Variants in MAGI1 observed in about 807,000 individuals in gnomAD.
The protein encoded by MAGI1 is membrane associated guanylate kinase, WW and PDZ domain containing 1, also known as membrane-associated guanylate kinase, WW and PDZ domain-containing protein 1.
Under a neutral mutation model 139.9 loss-of-function variants are expected in MAGI1, and 58 were observed. That is an observed-to-expected ratio of 0.41 (90% CI 0.34 to 0.52). MAGI1 has a LOEUF of 0.52. MAGI1 is among the 20% of genes least tolerant of loss of function. The pLI is 0.12. For synonymous variants in MAGI1, 812 were observed against 737.9 expected (o/e 1.10, Z -1.63); for missense variants, 1,874 against 1,901.6 (o/e 0.99, Z 0.27).
chr3:65,582,051 G>A (rs1373501280), intron 2 of MAGI1, among the ~76,000 whole-genome samples: 2 of 152,156 alleles, frequency 1.3e-5, no homozygotes, highest in African/African-American at 2.4e-5. Context: ...CTGTTATTTT[G>A]TTAAATAAAT....
intron 18 of MAGI1, among the ~76,000 whole-genome samples, chr3:65,368,809 A>G (rs1941693578): frequency 6.6e-6 from 1 of 152,226 alleles, no homozygotes; most frequent in Admixed American, 6.5e-5. Context: ...AATACTTTGA[A>G]TCAGAGTGAT....
chr3:65,720,722 T>C (rs1020030469), intron 1 of MAGI1, among the ~76,000 whole-genome samples: 3 of 152,076 alleles, frequency 2.0e-5, no homozygotes, highest in African/African-American at 4.8e-5. Context: ...GAGCCTGATA[T>C]GCTCTTATTC....
chr3:65,430,829 G>A lies in MAGI1; in HGVS notation c.1416C>T (p.His472=). ...CACGACTGCTTTTCCGCAGCTTTGT[G>A]TGAATGAACTTGCCTTTCAACTCAG... ...NPSELKGKFI[H]TKLRKSSRGF... is the part of the protein sequence containing the mutation. The change falls in exon 11 of 23, where the codon CAC becomes CAT. Residue 472 remains histidine, a synonymous_variant. Coordinates refer to ENST00000402939, the MANE Select transcript of MAGI1 (RefSeq NM_001033057.2). 2 of 1,613,582 alleles carry A rather than the reference G, an allele frequency of 1.2e-6. No individual in the cohort carries two copies. The highest frequency in any genetic ancestry group is 8.5e-7 in the Non-Finnish European group (1 of 1,179,750).
Position 65,858,781 on chromosome 3 carries a change from T to C in MAGI1, c.313+179215A>G, listed in dbSNP as rs556359215. Among the ~76,000 whole-genome samples the C allele has an allele frequency of 2.0e-5, 3 of 152,342 alleles. No individual in the cohort carries two copies. The South Asian group carries it at 6.2e-4, about 32-fold the overall frequency. On this transcript the variant is annotated intron_variant, in intron 1 of 22. Transcript: ENST00000402939. ...ACCACAGTGCAATTTTCAAGAAACA[T>C]TTTATGCAAATATATCTGCTCCAAC... is the stretch of plus-strand genomic sequence containing the variant.
chr3:66,034,295 A>C (rs1004216143), intron 1 of MAGI1, among the ~76,000 whole-genome samples: 1 of 152,162 alleles, frequency 6.6e-6, no homozygotes, highest in Non-Finnish European at 1.5e-5. Flanking sequence ...CTACTGTCCC[A>C]GGAATTGGGA....
intron 22 of MAGI1, 129 bp from the exon 23 acceptor site, chr3:65,357,261 A>G: frequency 1.1e-6 from 1 of 917,596 alleles, no homozygotes; most frequent in Admixed American, 2.9e-5. Flanking sequence ...TCAGACTCAA[A>G]GCCAACTGAA....
chr3:65,815,036 T>G (rs895479152), intron 1 of MAGI1, among the ~76,000 whole-genome samples: 6 of 149,772 alleles, frequency 4.0e-5, no homozygotes, highest in Non-Finnish European at 6.0e-5. Context: ...CAGCTGTATT[T>G]CTAAGTCCTG....
intron 14 of MAGI1, among the ~76,000 whole-genome samples, chr3:65,386,734 G>A (rs1014674782): frequency 2.0e-5 from 3 of 152,118 alleles, no homozygotes; most frequent in Non-Finnish European, 2.9e-5. Context: ...AAATCAAATA[G>A]AGCTAAGAAA....
chr3:65,368,409 G>A (rs867482202), intron 18 of MAGI1, among the ~76,000 whole-genome samples: 44 of 152,292 alleles, frequency 2.9e-4, no homozygotes, highest in African/African-American at 1.1e-3. Context: ...CATGTATCAA[G>A]AGAAGCAAAT....
chr3:65,768,908 A>G (rs1271301541), intron 1 of MAGI1, among the ~76,000 whole-genome samples: 1 of 152,208 alleles, frequency 6.6e-6, no homozygotes, highest in Non-Finnish European at 1.5e-5. Context: ...CTCCAGGGAC[A>G]AAGCAAATTT....
chr3:65,415,880 C>T (rs1157816866), intron 12 of MAGI1, among the ~76,000 whole-genome samples: 1 of 152,138 alleles, frequency 6.6e-6, no homozygotes, highest in Non-Finnish European at 1.5e-5. Context: ...TCTCTTCCTC[C>T]TTTAGTTACC....
At chr3:65,668,935 A>G (rs1469147037) in intron 1 of MAGI1, among the ~76,000 whole-genome samples, 1 of 147,910 alleles carries the variant, frequency 6.8e-6, no homozygotes, top group East Asian at 2.0e-4. Flanking sequence ...ATCTTTATTT[A>G]TTTGTTTATT....
chr3:65,664,879 C>T (rs1467231811), intron 1 of MAGI1, among the ~76,000 whole-genome samples: 1 of 152,012 alleles, frequency 6.6e-6, no homozygotes, highest in Non-Finnish European at 1.5e-5. Context: ...TTAAAATGAC[C>T]TCCAATTGTA....
rs534761835 is a variant in MAGI1, at chr3:65,869,892, T to C, written c.313+168104A>G. On this transcript the variant is annotated intron_variant, in intron 1 of 22. Transcript: ENST00000402939. ...TGAGAATGAGAAGGCAAGAGACACA[T>C]GTGCAGCACGTGGCCCAGTGCTGGC... Among the ~76,000 whole-genome samples, 4 of 152,242 alleles carry C rather than the reference T, an allele frequency of 2.6e-5. No individual in the cohort carries two copies. In the South Asian group the frequency reaches 8.3e-4, roughly 32 times the overall value.
At chr3:65,533,444 G>A (rs907949881) in intron 2 of MAGI1, among the ~76,000 whole-genome samples, 1 of 152,164 alleles carries the variant, frequency 6.6e-6, no homozygotes. Context: ...ACCCGTAATT[G>A]TCATTTTTGG....
chr3:66,030,690 T>C (rs1035340423), intron 1 of MAGI1, among the ~76,000 whole-genome samples: 3 of 152,130 alleles, frequency 2.0e-5, no homozygotes, highest in African/African-American at 7.2e-5. Flanking sequence ...AGGTGGGCAC[T>C]AGCAGGCAGG....
intron 1 of MAGI1, among the ~76,000 whole-genome samples, chr3:65,648,994 C>T (rs2085431126): frequency 6.6e-6 from 1 of 152,150 alleles, no homozygotes; most frequent in East Asian, 1.9e-4. Flanking sequence ...AACAATTGGA[C>T]ATTCACAGCC....
rs141073019 is a variant in MAGI1, at chr3:65,709,479, G to T, written c.314-87391C>A. 2.4e-4 allele frequency among the ~76,000 whole-genome samples: 36 copies of T among 152,282 alleles called. No homozygotes were observed. In the East Asian group the frequency reaches 6.8e-3, roughly 29 times the overall value. ...TCTCTCTTCATCTTTAAGAGCCACT[G>T]AATAGAGCAAGATTGGAGGATAAAA... On this transcript the variant is annotated intron_variant, in intron 1 of 22. Coordinates refer to ENST00000402939, the MANE Select transcript of MAGI1 (RefSeq NM_001033057.2).
At chr3:65,471,235 G>C (rs970336225) in intron 4 of MAGI1, among the ~76,000 whole-genome samples, 1 of 152,114 alleles carries the variant, frequency 6.6e-6, no homozygotes, top group African/African-American at 2.4e-5. Context: ...CATCAGGGGT[G>C]ATGTCATCAA....
Sources: allele counts gnomAD v4.1 joint callset (sites outside exome capture counted in the v4.1 genomes callset), GRCh38; gene constraint gnomAD v4.1.1; transcripts MANE v1.5; gene names NCBI Gene and HGNC (gene_info 2026-07-23, HGNC 2026-07-21).